Variants in MAPK8IP3 observed in about 807,000 individuals in gnomAD.
The protein encoded by MAPK8IP3 is mitogen-activated protein kinase 8 interacting protein 3.
In MAPK8IP3, 49 loss-of-function variants were observed where a neutral mutation model predicts 157.8. The observed-to-expected ratio is 0.31, with a 90% CI of 0.25 to 0.39. The LOEUF (loss-of-function observed/expected upper bound fraction) is 0.39. MAPK8IP3 is among the 10% of genes least tolerant of loss of function. MAPK8IP3 has a pLI of 1.00. For synonymous variants in MAPK8IP3, 897 were observed against 777.7 expected, an observed-to-expected ratio of 1.15 and a Z score of -2.55; for missense variants, 1,478 against 1,889.4, an observed-to-expected ratio of 0.78 and a Z score of 4.04.
chr16:1,738,268 G>A (rs1399398345), intron 4 of MAPK8IP3, among the ~76,000 whole-genome samples: 287 of 78,924 alleles, frequency 3.6e-3, no homozygotes, highest in Middle Eastern at 0.023. Context: ...GCGTGTGACC[G>A]TCCGTGTGAG....
At chr16:1,707,829 A>G (rs1567129922) in intron 1 of MAPK8IP3, 3 of 152,238 alleles carry the variant, frequency 2.0e-5, no homozygotes, top group Admixed American at 1.3e-4. Context: ...ATGAGCTTCA[A>G]TTCCTTTTCA....
intron 4 of MAPK8IP3, 21 bp downstream of exon 4, chr16:1,729,599 T>C (rs371548029): frequency 4.0e-5 from 63 of 1,562,964 alleles, no homozygotes; most frequent in South Asian, 3.9e-4. Context: ...CGCGGCGGGG[T>C]GGAGGTACGC....
intron 1 of MAPK8IP3, among the ~76,000 whole-genome samples, chr16:1,714,762 G>A (rs573700654): frequency 6.6e-6 from 1 of 152,264 alleles, no homozygotes; most frequent in African/African-American, 2.4e-5. Context: ...TTTGAGAGCA[G>A]GGACCCTTTG....
At position 1,736,935 on chromosome 16, in the gene MAPK8IP3, C is replaced by T. The variant is rs140767085; in HGVS notation, c.603-6397C>T. On this transcript the variant is annotated intron_variant, in intron 4 of 31. Transcript: ENST00000610761. ...GTGAGTGACCATCCATGTGAGCATC[C>T]GTGACCGTCCATGTGAGCGTGTGAC... Among the ~76,000 whole-genome samples the T allele has an allele frequency of 4.6e-3, 195 of 42,038 alleles. 9 individuals carry two copies. The highest frequency in any genetic ancestry group is 6.4e-3 in the Non-Finnish European group (154 of 24,146). The allele number at this position is 42,038 out of a possible 152,430, so 27.6% of individuals were successfully genotyped here.
chr16:1,760,302 G>A, intron 11 of MAPK8IP3, 78 bp from the exon 12 acceptor site: 2 of 1,527,458 alleles, frequency 1.3e-6, no homozygotes, highest in South Asian at 1.3e-5. Context: ...GGGCGGAAGT[G>A]CAGGCGCCCC....
At chr16:1,761,820 T>G (rs1435192192) in intron 13 of MAPK8IP3, among the ~76,000 whole-genome samples, 2 of 151,874 alleles carry the variant, frequency 1.3e-5, no homozygotes, top group East Asian at 3.9e-4. Flanking sequence ...GCGGCCACCA[T>G]TCACCATTCA....
chr16:1,757,569 C>T (rs1327806826), intron 8 of MAPK8IP3, among the ~76,000 whole-genome samples: 1 of 152,200 alleles, frequency 6.6e-6, no homozygotes, highest in Non-Finnish European at 1.5e-5. Flanking sequence ...CCTCGCCCGC[C>T]CCACGCTCCC....
chr16:1,732,745 G>A (rs780467468), intron 4 of MAPK8IP3, among the ~76,000 whole-genome samples: 10 of 151,974 alleles, frequency 6.6e-5, no homozygotes, highest in South Asian at 2.1e-4. Context: ...ACGCCAGGGC[G>A]TGTGGATGCC....
At chr16:1,723,619 T>TAAAAC (rs552255143) in intron 1 of MAPK8IP3, among the ~76,000 whole-genome samples, 420 of 152,188 alleles carry the variant, frequency 2.8e-3, no homozygotes, top group Non-Finnish European at 4.0e-3. Context: ...GACTCTCTCT[T>TAAAAC]AAAACAAAAC....
At chr16:1,739,182 GCATCCGTGTGAC>G (rs1473468380) in intron 4 of MAPK8IP3, among the ~76,000 whole-genome samples, 5 of 135,034 alleles carry the variant, frequency 3.7e-5, no homozygotes, top group Non-Finnish European at 7.8e-5. Flanking sequence ...ATCCATGTGA[GCATCCGTGTGAC>G]CGTCCGTGTG....
intron 16 of MAPK8IP3, 85 bp from the exon 17 acceptor site, chr16:1,763,572 C>G: frequency 1.4e-6 from 2 of 1,385,854 alleles, no homozygotes; most frequent in Non-Finnish European, 1.9e-6. Context: ...GGCCTCCCTG[C>G]CGTGACCTCC....
intron 2 of MAPK8IP3, among the ~76,000 whole-genome samples, chr16:1,727,494 C>T (rs1567150452): frequency 6.6e-6 from 1 of 151,394 alleles, no homozygotes; most frequent in Non-Finnish European, 1.5e-5. Flanking sequence ...TCAGGTGCAG[C>T]GTCTGTAAGT....
At chr16:1,718,100 G>A (rs559104176) in intron 1 of MAPK8IP3, among the ~76,000 whole-genome samples, 4 of 151,906 alleles carry the variant, frequency 2.6e-5, no homozygotes, top group South Asian at 2.1e-4. Context: ...AGGTTCGCCC[G>A]CCTCGGACTC....
chr16:1,732,618 C>T (rs751052171), intron 4 of MAPK8IP3, among the ~76,000 whole-genome samples: 2 of 152,124 alleles, frequency 1.3e-5, no homozygotes, highest in Non-Finnish European at 2.9e-5. Context: ...GAACGGGCGG[C>T]GCCGGCCATC....
chr16:1,744,911 T>A, intron 5 of MAPK8IP3: 3 of 970,566 alleles, frequency 3.1e-6, no homozygotes, highest in Non-Finnish European at 2.4e-6. Flanking sequence ...GAAGTTTTTC[T>A]AATTTCTTAA....
chr16:1,759,138 G>A (rs1357722051), intron 10 of MAPK8IP3, 143 bp downstream of exon 10: 21 of 1,119,618 alleles, frequency 1.9e-5, no homozygotes, highest in Middle Eastern at 2.0e-4. Context: ...AGTGAAGCTC[G>A]CTCTGTCCAG....
intron 4 of MAPK8IP3, among the ~76,000 whole-genome samples, chr16:1,737,091 AGT>A (rs199510581): frequency 1.9e-5 from 1 of 52,002 alleles, no homozygotes; most frequent in Non-Finnish European, 3.5e-5. Flanking sequence ...CGTCCGTGTG[AGT>A]GTGACCATCC....
intron 1 of MAPK8IP3, among the ~76,000 whole-genome samples, chr16:1,720,113 G>A (rs896993771): frequency 4.6e-5 from 7 of 152,146 alleles, no homozygotes; most frequent in Non-Finnish European, 8.8e-5. Flanking sequence ...GCGCAATCTT[G>A]GCTCACTGCA....
intron 2 of MAPK8IP3, among the ~76,000 whole-genome samples, chr16:1,725,217 T>C (rs1778503456): frequency 6.6e-6 from 1 of 150,886 alleles, no homozygotes; most frequent in East Asian, 1.9e-4. Flanking sequence ...CCTTTAAAAG[T>C]CTTTGCTTAA....
Sources: allele counts gnomAD v4.1 joint callset (sites outside exome capture counted in the v4.1 genomes callset), GRCh38; gene constraint gnomAD v4.1.1; transcripts MANE v1.5; gene names NCBI Gene and HGNC (gene_info 2026-07-23, HGNC 2026-07-21).